The following ATRX variants were observed in gnomAD, a reference collection of about 807,000 sequenced individuals.
The protein encoded by ATRX is ATRX chromatin remodeler.
In ATRX, 12 loss-of-function variants were observed where a neutral mutation model predicts 172.6. That is an observed-to-expected ratio of 0.07 (90% CI 0.04 to 0.11). The LOEUF is 0.11. Ranked by LOEUF, ATRX falls within the 10% of genes least tolerant of loss-of-function variation. The pLI is 1.00. For synonymous variants in ATRX, 674 were observed against 594.7 expected (o/e 1.13, Z -1.94); for missense variants, 1,368 against 1,767.4 (o/e 0.77, Z 4.05).
Position 77,523,261 on chromosome X carries a change from T to G in ATRX, c.6840A>C (p.Ala2280=). ...ATTTTGCATCAACTACCTTCTTCTC[T>G]GCTTCATACTCAGCCCAAGCTGCTT... ...ERKAAWAEYE[A]EKKGLTMRFN... Residue 2280 remains alanine (A), a synonymous_variant, in exon 31 of 35, where the codon GCA becomes GCC. Transcript: ENST00000373344. The G allele has an allele frequency of 8.3e-7, 1 of 1,211,298 alleles. No individual in the cohort carries two copies. The highest frequency in any genetic ancestry group is 1.7e-5 in the African/African-American group (1 of 57,909).
chrX:77,580,223 T>C (rs782629085), intron 27 of ATRX, among the ~76,000 whole-genome samples: 1 of 110,911 alleles, frequency 9.0e-6, no homozygotes, highest in Admixed American at 9.6e-5. Context: ...AAACAGGAGG[T>C]AGAGAGAAAG....
chrX:77,603,367 T>A (rs1351358348), intron 22 of ATRX, among the ~76,000 whole-genome samples: 2 of 109,987 alleles, frequency 1.8e-5, no homozygotes, highest in African/African-American at 6.6e-5. Flanking sequence ...AATAATATAA[T>A]TCTTTTTTTT....
chrX:77,746,929 T>C (rs2075104997), intron 1 of ATRX, among the ~76,000 whole-genome samples: 1 of 110,247 alleles, frequency 9.1e-6, no homozygotes, highest in South Asian at 3.9e-4. Context: ...GCCTCCTGAG[T>C]AGCTGAGACT....
At chrX:77,705,935 C>T (rs1244919335) in intron 2 of ATRX, among the ~76,000 whole-genome samples, 1 of 110,794 alleles carries the variant, frequency 9.0e-6, no homozygotes, top group Non-Finnish European at 1.9e-5. Context: ...AAAGGACAAA[C>T]AGAATTAAGA....
chrX:77,592,757 A>G (rs1366721178), intron 26 of ATRX, among the ~76,000 whole-genome samples: 1 of 109,248 alleles, frequency 9.2e-6, no homozygotes, highest in East Asian at 2.9e-4. Context: ...GGTTGCGATG[A>G]GCCGAGATCG....
chrX:77,786,083 G>A lies in ATRX; in HGVS notation c.-82C>T. The A allele has an allele frequency of 2.8e-6, 3 of 1,076,638 alleles. No homozygotes were observed. The highest frequency in any genetic ancestry group is 3.3e-5 in the East Asian group (1 of 30,072). The allele number at this position is 1,076,638 out of a possible 1,213,427, so 88.7% of individuals were successfully genotyped here. ...CCCCGCGCCCGGTTACGATAGAAAT[G>A]CACTGGAGTCTTAGTCGTCACTGTA... On this transcript the variant is annotated 5_prime_UTR_variant, in exon 1 of 35. Coordinates refer to ENST00000373344, the MANE Select transcript of ATRX (RefSeq NM_000489.6).
chrX:77,682,638 T>C lies in ATRX; in HGVS notation c.2618A>G (p.Glu873Gly). Reference sequence around the variant, plus strand: ...TCTTTCAGCATCATCAGATGATCCTTCTTGTGAGGTCTTCAAATTTTTGTG... The same window carrying C: ...TCTTTCAGCATCATCAGATGATCCTCCTTGTGAGGTCTTCAAATTTTTGTG... ...QGHKNLKTSQ[E>G]GSSDDAERKQ... Residue 873 changes from glutamate to glycine, a missense_variant, in exon 9 of 35, where the codon GAA (glutamate) becomes GGA (glycine). Glu to Gly is a moderately conservative substitution (Grantham distance 98, BLOSUM62 -2). Transcript: ENST00000373344. 8.3e-7 allele frequency: 1 copy of C among 1,209,604 alleles called. No individual in the cohort carries two copies. The highest frequency in any genetic ancestry group is 1.1e-6 in the Non-Finnish European group (1 of 895,343).
chrX:77,631,688 G>A (rs1005066648), intron 19 of ATRX, among the ~76,000 whole-genome samples: 68 of 111,941 alleles, frequency 6.1e-4, no homozygotes, highest in Admixed American at 3.1e-3. Flanking sequence ...CTACCTGGAC[G>A]GTCCTCCTTA....
intron 25 of ATRX, chrX:77,596,573 A>C (rs1316165331): frequency 9.0e-6 from 1 of 111,436 alleles, no homozygotes; most frequent in Non-Finnish European, 1.9e-5. Context: ...AAATGAAACA[A>C]AAATCCTAGA....
chrX:77,635,557 T>A (rs1222183642), intron 16 of ATRX, among the ~76,000 whole-genome samples: 1 of 112,004 alleles, frequency 8.9e-6, no homozygotes, highest in Non-Finnish European at 1.9e-5. Flanking sequence ...AAAGAAAACA[T>A]ACCTAAAAAT....
intron 19 of ATRX, among the ~76,000 whole-genome samples, chrX:77,629,607 G>A (rs1457420149): frequency 1.8e-5 from 2 of 111,919 alleles, no homozygotes; most frequent in African/African-American, 6.5e-5. Flanking sequence ...AAAACCTAAT[G>A]GAGAAACCAG....
chrX:77,547,393 G>A lies in ATRX; in HGVS notation c.6699+10058C>T, dbSNP rs1191694818. 2.2e-4 allele frequency among the ~76,000 whole-genome samples: 24 copies of A among 111,490 alleles called. 1 individual carries two copies. The Admixed American group carries it at 2.3e-3, about 11-fold the overall frequency. ...AGGCTGCCATCTCAGGGTATCATTGGCTCCATGGTTTCTGTAACCCAAATG... is the reference window on the plus strand; with the variant it reads ...AGGCTGCCATCTCAGGGTATCATTGACTCCATGGTTTCTGTAACCCAAATG... On this transcript the variant is annotated intron_variant, in intron 30 of 34. Transcript: ENST00000373344.
intron 2 of ATRX, among the ~76,000 whole-genome samples, chrX:77,712,210 G>T (rs1483291640): frequency 8.9e-6 from 1 of 111,848 alleles, no homozygotes; most frequent in Non-Finnish European, 1.9e-5. Context: ...TTAACAATGG[G>T]GAATTCAGCC....
At chrX:77,545,351 T>C (rs1053402941) in intron 30 of ATRX, among the ~76,000 whole-genome samples, 2 of 111,971 alleles carry the variant, frequency 1.8e-5, no homozygotes, top group Non-Finnish European at 1.9e-5. Flanking sequence ...CAGAAACTTA[T>C]AGACAATGTG....
intron 1 of ATRX, among the ~76,000 whole-genome samples, chrX:77,778,316 G>C (rs1388191558): frequency 1.8e-5 from 2 of 108,531 alleles, no homozygotes; most frequent in Non-Finnish European, 3.8e-5. Context: ...GCTCAGGTGG[G>C]AGGATCACTT....
intron 1 of ATRX, among the ~76,000 whole-genome samples, chrX:77,758,516 G>T (rs2075595793): frequency 9.1e-6 from 1 of 109,772 alleles, no homozygotes; most frequent in African/African-American, 3.3e-5. Context: ...AGCACTTTGG[G>T]AGGCCAAGGC....
intron 27 of ATRX, among the ~76,000 whole-genome samples, chrX:77,587,694 T>C (rs782604454): frequency 3.6e-5 from 4 of 111,796 alleles, no homozygotes; most frequent in Non-Finnish European, 7.5e-5. Flanking sequence ...ATCTTGTATA[T>C]AAAAAATCCT....
intron 15 of ATRX, among the ~76,000 whole-genome samples, chrX:77,637,670 G>A (rs782390313): frequency 3.4e-4 from 38 of 110,515 alleles, no homozygotes; most frequent in African/African-American, 1.2e-3. Flanking sequence ...AGTTGGGCAC[G>A]GTGGCTCACT....
chrX:77,640,303 AC>A (rs1261192186), intron 15 of ATRX, among the ~76,000 whole-genome samples: 1 of 109,424 alleles, frequency 9.1e-6, no homozygotes, highest in South Asian at 4.1e-4. Flanking sequence ...CTGTACATGT[AC>A]CCCCCCACCC....
Sources: allele counts gnomAD v4.1 joint callset (sites outside exome capture counted in the v4.1 genomes callset), GRCh38; gene constraint gnomAD v4.1.1; transcripts MANE v1.5; gene names NCBI Gene and HGNC (gene_info 2026-07-23, HGNC 2026-07-21).